Variants in OPTN observed in about 807,000 individuals in gnomAD.
The protein encoded by OPTN is E3-14.7K-interacting protein.
A neutral mutation model predicts 70.4 loss-of-function variants in OPTN; 54 were observed. The ratio of observed to expected loss-of-function variants is 0.77; its 90% CI spans 0.62 to 0.96. The LOEUF (loss-of-function observed/expected upper bound fraction) is 0.96. Ranked by LOEUF, OPTN falls within the 40% of genes least tolerant of loss-of-function variation. OPTN has a pLI of 0.00. For synonymous variants in OPTN, 256 were observed against 248.5 expected, an observed-to-expected ratio of 1.03 and a Z score of -0.28; for missense variants, 624 against 673.2, an observed-to-expected ratio of 0.93 and a Z score of 0.81.
intron 12 of OPTN, 38 bp downstream of exon 12, chr10:13,127,941 G>GC: frequency 6.2e-7 from 1 of 1,608,360 alleles, no homozygotes; most frequent in Non-Finnish European, 8.5e-7. Context: ...AGCGAGGCCA[G>GC]CCCTGACTGT....
intron 5 of OPTN, 74 bp downstream of exon 5, chr10:13,112,709 T>C: frequency 7.0e-7 from 1 of 1,428,056 alleles, no homozygotes; most frequent in Admixed American, 1.7e-5. Flanking sequence ...AAATACCACT[T>C]TTTCTTGTCA....
intron 2 of OPTN, chr10:13,108,894 A>G: frequency 1.8e-6 from 1 of 551,644 alleles, no homozygotes; most frequent in South Asian, 1.9e-5. Flanking sequence ...ACACACACAC[A>G]TGCACACATG....
At chr10:13,120,141 C>G (rs1203144914) in intron 7 of OPTN, among the ~76,000 whole-genome samples, 1 of 151,118 alleles carries the variant, frequency 6.6e-6, no homozygotes, top group African/African-American at 2.5e-5. Context: ...CGCCACCACG[C>G]CCGGCTAATT....
intron 7 of OPTN, among the ~76,000 whole-genome samples, chr10:13,120,984 C>T (rs567338436): frequency 1.3e-5 from 2 of 152,340 alleles, no homozygotes; most frequent in East Asian, 3.9e-4. Flanking sequence ...CTACCACACA[C>T]TTAGAAAACC....
In OPTN at chr10:13,112,481, G is replaced by T; in HGVS notation, c.398G>T (p.Arg133Met). Reference protein sequence around the residue: ...EDPTDDSRLPRAEAEQEKDQL... With the variant: ...EDPTDDSRLPMAEAEQEKDQL... ...CCCACTGATGACTCCAGGCTTCCCA[G>T]GGCCGAAGCGGAGCAGGAAAAGGAC... is the stretch of plus-strand genomic sequence containing the variant. Residue 133 changes from arginine (R) to methionine (M), a missense_variant, in exon 5 of 15, where the codon AGG becomes ATG. Arg to Met is a moderately conservative substitution (Grantham distance 91). Coordinates refer to ENST00000378747, the MANE Select transcript of OPTN (RefSeq NM_001008212.2). The T allele has an allele frequency of 1.9e-6, 3 of 1,614,006 alleles. No homozygotes were observed. The highest frequency in any genetic ancestry group is 2.2e-5 in the South Asian group (2 of 91,074).
chr10:13,115,473 ATATATAATATATTCTATAT>A (rs1221718820), intron 5 of OPTN, among the ~76,000 whole-genome samples: 1 of 77,008 alleles, frequency 1.3e-5, no homozygotes, highest in Non-Finnish European at 2.4e-5. Context: ...AATATAGAAT[ATATATAATATATTCTATAT>A]TATATAATAT....
rs373425395 is a variant in OPTN at position 13,132,122 on chromosome 10, A to G, written c.1457A>G (p.His486Arg). The G allele has an allele frequency of 1.4e-5, 22 of 1,613,682 alleles. No homozygotes were observed. In the African/African-American group the frequency reaches 2.3e-4, roughly 17 times the overall value. ...GAAAGAGCAGCGAGAGAGAAAATTCATGAGGAAAAGGAGCAACTGGCATTG... is the reference window on the plus strand; with the variant it reads ...GAAAGAGCAGCGAGAGAGAAAATTCGTGAGGAAAAGGAGCAACTGGCATTG... ...HAERAAREKI[H>R]EEKEQLALQL... Residue 486 changes from histidine to arginine, a missense_variant, in exon 13 of 15, where the codon CAT (histidine) becomes CGT (arginine). By Grantham distance (29) the His-to-Arg change is conservative (BLOSUM62 0). Transcript: ENST00000378747.
intron 5 of OPTN, among the ~76,000 whole-genome samples, chr10:13,114,806 A>ATATATAATTATATAATTATATAAT (rs370170403): frequency 1.5e-4 from 3 of 19,756 alleles, no homozygotes; most frequent in East Asian, 1.1e-3. Context: ...ATATATACAT[A>ATATATAATTATATAATTATATAAT]TATATAATTA....
In OPTN at chr10:13,137,620, T is replaced by G; in HGVS notation, c.*754T>G. The G allele has an allele frequency of 4.3e-6, 1 of 231,838 alleles. No individual in the cohort carries two copies. The highest frequency in any genetic ancestry group is 8.5e-6 in the Non-Finnish European group (1 of 117,210). The allele number at this position is 231,838 out of a possible 1,614,324, so 14.4% of individuals were successfully genotyped here. A position where few individuals can be genotyped will look rare whatever the true frequency, so the allele number is the denominator to read the frequency against. On this transcript the variant is annotated 3_prime_UTR_variant, in exon 15 of 15. Transcript: ENST00000378747. ...AAGCATTTTTAAAAACGAATTGTAG[T>G]TGTTTTTCTTCATTTAAAATGGATC... is the stretch of plus-strand genomic sequence containing the variant.
chr10:13,114,963 TTATA>T lies in OPTN; in HGVS notation c.553-1298_553-1295del, dbSNP rs1390409242. On this transcript the variant is annotated intron_variant, in intron 5 of 14. Transcript: ENST00000378747. ...TATTTATATATAGATATATCTATAT[TTATA>T]TATATTTATATATAGATATATCTAT... Among the ~76,000 whole-genome samples the T allele has an allele frequency of 2.2e-3, 154 of 70,682 alleles. 2 individuals are homozygous for T. The highest frequency in any genetic ancestry group is 3.7e-3 in the East Asian group (8 of 2,156). The allele number at this position is 70,682 out of a possible 152,430, so 46.4% of individuals were successfully genotyped here. A position where few individuals can be genotyped will look rare whatever the true frequency, so the allele number is the denominator to read the frequency against.
chr10:13,104,503 T>C (rs1001667841), intron 1 of OPTN: 6 of 359,812 alleles, frequency 1.7e-5, no homozygotes, highest in Non-Finnish European at 3.2e-5. Flanking sequence ...TGACCTAACT[T>C]TTACATCATA....
chr10:13,132,328 A>G (rs1418671879), intron 13 of OPTN, 131 bp downstream of exon 13: 2 of 827,238 alleles, frequency 2.4e-6, no homozygotes, highest in African/African-American at 3.4e-5. Context: ...TGCCTAGGTG[A>G]CAGAGCGAGT....
chr10:13,129,350 A>G (rs1588450811), intron 12 of OPTN, among the ~76,000 whole-genome samples: 1 of 148,298 alleles, frequency 6.7e-6, no homozygotes, highest in African/African-American at 2.5e-5. Context: ...ATTATAAAGC[A>G]TCAAACTTTT....
In OPTN at chr10:13,111,844, GTT is replaced by G. The variant is rs34942122; in HGVS notation, c.370-589_370-588del. ...TTTGATTTGTATTTGTTTTTTGACT[GTT>G]TTTTTTTTTTTTTTTTTTTGAGATG... On this transcript the variant is annotated intron_variant, in intron 4 of 14. Coordinates refer to ENST00000378747, the MANE Select transcript of OPTN (RefSeq NM_001008212.2). Among the ~76,000 whole-genome samples, 323 of 87,706 alleles carry G rather than the reference GTT, an allele frequency of 3.7e-3. 2 individuals are homozygous for G. The highest frequency in any genetic ancestry group is 0.022 in the South Asian group (51 of 2,340). 57.5% of individuals were successfully genotyped at this position (87,706 alleles called of 152,430 possible).
intron 12 of OPTN, among the ~76,000 whole-genome samples, chr10:13,129,542 G>T (rs1833547487): frequency 6.7e-6 from 1 of 149,348 alleles, no homozygotes; most frequent in South Asian, 2.1e-4. Context: ...TAGTAGAGAT[G>T]GAGTTTCACC....
At chr10:13,128,018 C>A in intron 12 of OPTN, 115 bp downstream of exon 12, 2 of 1,239,326 alleles carry the variant, frequency 1.6e-6, no homozygotes, top group South Asian at 1.3e-5. Context: ...ATTTTTTCAC[C>A]CGTGAGTGTA....
At chr10:13,133,424 C>A in intron 13 of OPTN, 78 bp from the exon 14 acceptor site, 1 of 1,261,990 alleles carries the variant, frequency 7.9e-7, no homozygotes. Flanking sequence ...TCCCCTACTT[C>A]TGTGGACTGT....
At chr10:13,127,971 A>G (rs1833504996) in intron 12 of OPTN, 68 bp downstream of exon 12, 2 of 1,517,022 alleles carry the variant, frequency 1.3e-6, no homozygotes, top group African/African-American at 1.4e-5. Context: ...TTGGAAAGCA[A>G]TGGTGTTTAG....
Position 13,133,442 on chromosome 10 carries a change from GTGT to G in OPTN, c.1533-56_1533-54del. 6 of 1,398,562 alleles carry G rather than the reference GTGT, an allele frequency of 4.3e-6. No individual in the cohort carries two copies. In the South Asian group the frequency reaches 6.9e-5, roughly 16 times the overall value. The allele number at this position is 1,398,562 out of a possible 1,614,324, so 86.6% of individuals were successfully genotyped here. A position where few individuals can be genotyped will look rare whatever the true frequency, so the allele number is the denominator to read the frequency against. On this transcript the variant is annotated intron_variant, in intron 13 of 14. Coordinates refer to ENST00000378747, the MANE Select transcript of OPTN (RefSeq NM_001008212.2). The stretch of plus-strand genomic sequence containing the variant: ...CCTACTTCTGTGGACTGTCTGCTCA[GTGT>G]TGTCATGTTTCGGGGTTGTAGAACA...
Sources: allele counts gnomAD v4.1 joint callset (sites outside exome capture counted in the v4.1 genomes callset), GRCh38; gene constraint gnomAD v4.1.1; transcripts MANE v1.5; gene names NCBI Gene and HGNC (gene_info 2026-07-23, HGNC 2026-07-21).